Variants in PPP3CA observed in about 807,000 individuals in gnomAD.
The protein encoded by PPP3CA is protein phosphatase 3 catalytic subunit alpha.
Under a neutral mutation model 66.5 loss-of-function variants are expected in PPP3CA, and 14 were observed. The ratio of observed to expected loss-of-function variants is 0.21; its 90% CI spans 0.14 to 0.33. The LOEUF (loss-of-function observed/expected upper bound fraction) is 0.33. Among genes scored for constraint, PPP3CA ranks in the 10% least tolerant of loss-of-function variants. The probability of loss-of-function intolerance (pLI) is 1.00; values close to 1 mark genes in which losing one functional copy is unlikely to be tolerated. For missense variants in PPP3CA, 317 were observed against 639.5 expected, an observed-to-expected ratio of 0.50 and a Z score of 5.44; for synonymous variants, 232 against 226.2, an observed-to-expected ratio of 1.03 and a Z score of -0.23.
chr4:101,234,235 A>G (rs894621012), intron 1 of PPP3CA, among the ~76,000 whole-genome samples: 8 of 151,924 alleles, frequency 5.3e-5, no homozygotes, highest in Non-Finnish European at 1.0e-4. Context: ...CAGTAGAATA[A>G]TATCTATTCC....
intron 1 of PPP3CA, among the ~76,000 whole-genome samples, chr4:101,232,868 C>T (rs543383879): frequency 2.0e-5 from 3 of 151,610 alleles, no homozygotes; most frequent in South Asian, 4.2e-4. Context: ...GGTCTATATT[C>T]TGGTATTCTA....
At chr4:101,234,286 A>G (rs1726057440) in intron 1 of PPP3CA, among the ~76,000 whole-genome samples, 1 of 151,676 alleles carries the variant, frequency 6.6e-6, no homozygotes, top group Admixed American at 6.6e-5. Flanking sequence ...GTCAAACAGT[A>G]GTCCTCTTTG....
intron 1 of PPP3CA, among the ~76,000 whole-genome samples, chr4:101,227,572 A>G (rs1424886755): frequency 1.3e-5 from 2 of 151,638 alleles, no homozygotes; most frequent in African/African-American, 4.8e-5. Flanking sequence ...CTTTTTTTAA[A>G]AAACTTTTAT....
intron 1 of PPP3CA, among the ~76,000 whole-genome samples, chr4:101,330,084 G>T (rs781239137): frequency 6.6e-6 from 1 of 151,976 alleles, no homozygotes; most frequent in Non-Finnish European, 1.5e-5. Context: ...AAACCTTCTG[G>T]AAAGGATTCA....
intron 1 of PPP3CA, among the ~76,000 whole-genome samples, chr4:101,279,322 T>C (rs1030041735): frequency 3.3e-5 from 5 of 152,038 alleles, no homozygotes; most frequent in African/African-American, 1.2e-4. Flanking sequence ...GGTAGCTTAA[T>C]TAAGGATCTA....
chr4:101,028,980 GAAAC>G (rs761772918), intron 13 of PPP3CA, among the ~76,000 whole-genome samples, 182 bp downstream of exon 13: 26 of 152,180 alleles, frequency 1.7e-4, no homozygotes, highest in Admixed American at 2.6e-4. Flanking sequence ...TTAAGGGAAA[GAAAC>G]AAACAAACAA....
intron 1 of PPP3CA, among the ~76,000 whole-genome samples, chr4:101,234,939 AG>A (rs1222744895): frequency 6.6e-6 from 1 of 151,814 alleles, no homozygotes; most frequent in Non-Finnish European, 1.5e-5. Context: ...TACAATTAGA[AG>A]AAATGTGAAG....
At chr4:101,229,522 A>G (rs1725892056) in intron 1 of PPP3CA, among the ~76,000 whole-genome samples, 1 of 151,866 alleles carries the variant, frequency 6.6e-6, no homozygotes, top group African/African-American at 2.4e-5. Context: ...GTACTTTTCA[A>G]GAACTGTATT....
At chr4:101,152,240 T>C (rs1437879308) in intron 2 of PPP3CA, among the ~76,000 whole-genome samples, 2 of 152,228 alleles carry the variant, frequency 1.3e-5, no homozygotes, top group East Asian at 3.8e-4. Flanking sequence ...AAAATGCACT[T>C]TTAATATTTG....
At chr4:101,030,128 A>G (rs908447448) in intron 12 of PPP3CA, among the ~76,000 whole-genome samples, 3 of 152,168 alleles carry the variant, frequency 2.0e-5, no homozygotes, top group African/African-American at 4.8e-5. Flanking sequence ...CTTCCACTAT[A>G]TAAGTATATG....
chr4:101,287,797 G>T (rs1441925169), intron 1 of PPP3CA, among the ~76,000 whole-genome samples: 2 of 150,542 alleles, frequency 1.3e-5, no homozygotes, highest in African/African-American at 2.4e-5. Context: ...TGTGAGGAAA[G>T]TGCCTAAAGG....
At chr4:101,311,472 T>C (rs2850368) in intron 1 of PPP3CA, among the ~76,000 whole-genome samples, 45,269 of 152,040 alleles carry the variant, frequency 0.3, 7,230 homozygotes, top group East Asian at 0.5. Context: ...TGTAAGGCAA[T>C]ACTAAACATT....
At chr4:101,222,280 A>C (rs868643021) in intron 1 of PPP3CA, among the ~76,000 whole-genome samples, 3 of 151,630 alleles carry the variant, frequency 2.0e-5, no homozygotes, top group African/African-American at 7.2e-5. Context: ...TTTCAAATAT[A>C]TATGTGAGAA....
intron 2 of PPP3CA, among the ~76,000 whole-genome samples, chr4:101,114,514 T>G (rs1721781288): frequency 1.3e-5 from 2 of 152,074 alleles, no homozygotes; most frequent in Non-Finnish European, 2.9e-5. Flanking sequence ...TTTCCCTAAG[T>G]CGGGTCACTC....
intron 2 of PPP3CA, among the ~76,000 whole-genome samples, chr4:101,171,838 G>A (rs10516471): frequency 0.44 from 67,202 of 151,992 alleles, 17,793 homozygotes; most frequent in Non-Finnish European, 0.6. Context: ...GTTTAATACC[G>A]ATTTCTGCTA....
chr4:101,121,849 G>T (rs1296700061), intron 2 of PPP3CA, among the ~76,000 whole-genome samples: 1 of 151,896 alleles, frequency 6.6e-6, no homozygotes, highest in Non-Finnish European at 1.5e-5. Flanking sequence ...AAAACAGATG[G>T]GGCCTCCAGC....
intron 1 of PPP3CA, among the ~76,000 whole-genome samples, chr4:101,322,972 T>C (rs1398360489): frequency 6.6e-6 from 1 of 152,168 alleles, no homozygotes; most frequent in Admixed American, 6.5e-5. Flanking sequence ...TGTGTGTATA[T>C]ATGTATCAAT....
chr4:101,232,294 T>C (rs181912594), intron 1 of PPP3CA, among the ~76,000 whole-genome samples: 115 of 151,704 alleles, frequency 7.6e-4, no homozygotes, highest in Non-Finnish European at 9.4e-4. Context: ...TTTTTGCCAG[T>C]AGTAATGATG....
At chr4:101,167,152 A>G (rs941586243) in intron 2 of PPP3CA, among the ~76,000 whole-genome samples, 1 of 152,202 alleles carries the variant, frequency 6.6e-6, no homozygotes, top group South Asian at 2.1e-4. Context: ...TGTAAGAGAA[A>G]TAACTCTCTA....
Sources: gnomAD v4.1 joint callset for allele counts (sites outside exome capture counted in the v4.1 genomes callset) on GRCh38, gnomAD v4.1.1 for gene constraint, MANE v1.5 for transcripts, NCBI Gene and HGNC (gene_info 2026-07-23, HGNC 2026-07-21) for gene names.